Variants in RHCE observed in about 807,000 individuals in gnomAD.
The protein encoded by RHCE is Rh blood group CcEe antigens.
Under a neutral mutation model 43.8 loss-of-function variants are expected in RHCE, and 22 were observed. The observed-to-expected ratio is 0.50, with a 90% CI of 0.36 to 0.72. The LOEUF is 0.72. RHCE is among the 30% of genes least tolerant of loss of function. RHCE has a pLI of 0.00. For synonymous variants in RHCE, 156 were observed against 210.7 expected (o/e 0.74, Z 2.25); for missense variants, 385 against 525.4 (o/e 0.73, Z 2.61).
At chr1:25,379,491 ATATATTTTTTTTTTT>A (rs1464499252) in intron 7 of RHCE, among the ~76,000 whole-genome samples, 128 of 18,122 alleles carry the variant, frequency 7.1e-3, no homozygotes, top group Non-Finnish European at 6.6e-3. Flanking sequence ...ATATATATAT[ATATATTTTTTTTTTT>A]TTTTTTTTTT....
intron 3 of RHCE, among the ~76,000 whole-genome samples, chr1:25,399,396 C>CT (rs1646659056): frequency 2.0e-5 from 3 of 152,254 alleles, no homozygotes; most frequent in African/African-American, 7.2e-5. Context: ...AGTTGTGAGA[C>CT]TGAGTTCTGT....
rs1399423553 is a variant in RHCE at position 25,402,802 on chromosome 1, T to C, written c.336-56A>G. 44 of 1,509,194 alleles carry C rather than the reference T, an allele frequency of 2.9e-5. 1 individual carries two copies. Among genetic ancestry groups the C allele is most frequent in the Admixed American group, 1.9e-4 (11 of 57,630 alleles). The allele number at this position is 1,509,194 out of a possible 1,614,324, so 93.5% of individuals were successfully genotyped here. ...GAGAAGGAAGGATGCCTCTCACTCA[T>C]TCATTCATTCATTCATTCATTCAAC... On this transcript the variant is annotated intron_variant, in intron 2 of 9. Coordinates refer to ENST00000294413, the MANE Select transcript of RHCE (RefSeq NM_020485.8).
At chr1:25,402,210 A>ATCTG (rs1557630103) in intron 3 of RHCE, among the ~76,000 whole-genome samples, 1 of 74,210 alleles carries the variant, frequency 1.3e-5, no homozygotes, top group Non-Finnish European at 4.0e-5. Context: ...CTGTCTGTCT[A>ATCTG]TCTATCTATC....
chr1:25,418,183 C>T (rs1385544332), intron 1 of RHCE, among the ~76,000 whole-genome samples: 1 of 152,110 alleles, frequency 6.6e-6, no homozygotes, highest in Non-Finnish European at 1.5e-5. Flanking sequence ...CGTGCCACCA[C>T]ATCCGGCTAA....
In RHCE at chr1:25,415,132, T is replaced by C. The variant is rs594134; in HGVS notation, c.148+5507A>G. ...TGCCAAATCATACATCTGCAGCCAG[T>C]CTTAACTCCCCACTCTTTTCATCAA... On this transcript the variant is annotated intron_variant, in intron 1 of 9. Transcript: ENST00000294413. Among the ~76,000 whole-genome samples the C allele has an allele frequency of 9.9e-5, 15 of 152,040 alleles. No individual in the cohort carries two copies. In the East Asian group the frequency reaches 1.2e-3, roughly 12 times the overall value.
intron 7 of RHCE, among the ~76,000 whole-genome samples, chr1:25,379,185 C>T (rs577509355): frequency 1.0e-3 from 155 of 151,910 alleles, no homozygotes; most frequent in African/African-American, 3.5e-3. Context: ...GAGGGTATCA[C>T]ATGGCAAGAG....
chr1:25,419,662 A>G (rs2042711972), intron 1 of RHCE: 1 of 150,546 alleles, frequency 6.6e-6, no homozygotes, highest in African/African-American at 2.4e-5. Flanking sequence ...CATTGTGGAC[A>G]TCTGTCTTAT....
intron 9 of RHCE, among the ~76,000 whole-genome samples, chr1:25,369,839 A>G (rs1238887701): frequency 6.9e-6 from 1 of 145,148 alleles, no homozygotes; most frequent in East Asian, 2.0e-4. Context: ...CCTGATTTCA[A>G]GCGATTCTCT....
intron 1 of RHCE, among the ~76,000 whole-genome samples, chr1:25,411,046 C>T (rs1427293468): frequency 4.0e-5 from 6 of 151,800 alleles, no homozygotes; most frequent in African/African-American, 7.3e-5. Context: ...GAGCTGAGAC[C>T]GCACCACTGC....
intron 3 of RHCE, among the ~76,000 whole-genome samples, chr1:25,394,093 A>T (rs961821984): frequency 2.0e-5 from 3 of 151,984 alleles, no homozygotes; most frequent in Non-Finnish European, 4.4e-5. Context: ...GGTTCAAGCG[A>T]TTCTCCTGCT....
intron 7 of RHCE, among the ~76,000 whole-genome samples, chr1:25,379,489 A>ATG (rs1645919763): frequency 5.1e-5 from 1 of 19,702 alleles, no homozygotes; most frequent in Non-Finnish European, 7.1e-5. Flanking sequence ...ATATATATAT[A>ATG]TATATATTTT....
At chr1:25,415,566 T>C (rs1647338462) in intron 1 of RHCE, among the ~76,000 whole-genome samples, 1 of 152,030 alleles carries the variant, frequency 6.6e-6, no homozygotes, top group Admixed American at 6.6e-5. Context: ...GCAGGAGAAT[T>C]ACTTGAACCT....
chr1:25,393,445 A>G (rs1646441991), intron 3 of RHCE, among the ~76,000 whole-genome samples: 3 of 151,972 alleles, frequency 2.0e-5, no homozygotes, highest in African/African-American at 7.3e-5. Flanking sequence ...ACATGGCAAA[A>G]CCCTGTCTCT....
intron 3 of RHCE, among the ~76,000 whole-genome samples, chr1:25,395,283 G>C (rs1025525738): frequency 4.0e-5 from 6 of 148,646 alleles, no homozygotes; most frequent in Non-Finnish European, 5.9e-5. Flanking sequence ...AGAGAAAAGA[G>C]TTGTTTTCTG....
chr1:25,389,226 T>C (rs1646279043), intron 5 of RHCE, 113 bp from the exon 6 acceptor site: 1 of 1,491,810 alleles, frequency 6.7e-7, no homozygotes, highest in Non-Finnish European at 9.3e-7. Flanking sequence ...CTCCCTGCTT[T>C]GCTGATCCTG....
chr1:25,399,437 G>T (rs1428131027), intron 3 of RHCE, among the ~76,000 whole-genome samples: 2 of 152,126 alleles, frequency 1.3e-5, no homozygotes, highest in Non-Finnish European at 2.9e-5. Flanking sequence ...TTGCCTCCCA[G>T]CTTCTTATAA....
chr1:25,411,471 C>G, intron 1 of RHCE: 7 of 1,547,762 alleles, frequency 4.5e-6, no homozygotes, highest in Non-Finnish European at 6.1e-6. Flanking sequence ...CGTACACACA[C>G]CCAGGGTCTG....
At chr1:25,391,320 G>T (rs1444729618) in intron 4 of RHCE, among the ~76,000 whole-genome samples, 4 of 152,074 alleles carry the variant, frequency 2.6e-5, no homozygotes, top group Admixed American at 1.3e-4. Context: ...AAGTAGCTGG[G>T]ATTACAGGCG....
Position 25,416,686 on chromosome 1 carries a change from G to A in RHCE, c.148+3953C>T, listed in dbSNP as rs557798603. Among the ~76,000 whole-genome samples the A allele has an allele frequency of 2.6e-4, 39 of 151,206 alleles. No individual in the cohort carries two copies. The East Asian group carries it at 6.8e-3, about 26-fold the overall frequency. ...TGCTGGAGTGAAGTGGTACAATCCC[G>A]TCCCACTGCAGCCTCAAGCTCCCAG... On this transcript the variant is annotated intron_variant, in intron 1 of 9. Transcript: ENST00000294413.
Sources: allele counts gnomAD v4.1 joint callset (sites outside exome capture counted in the v4.1 genomes callset), GRCh38; gene constraint gnomAD v4.1.1; transcripts MANE v1.5; gene names NCBI Gene and HGNC (gene_info 2026-07-23, HGNC 2026-07-21).